Variants in FNIP2 observed in about 807,000 individuals in gnomAD.
The protein encoded by FNIP2 is folliculin-interacting protein 2.
FNIP2 carries 32 observed loss-of-function variants against 108.7 expected under a neutral mutation model. The observed-to-expected ratio is 0.29, with a 90% confidence interval of 0.22 to 0.40. FNIP2 has a LOEUF of 0.40. FNIP2 is among the 10% of genes least tolerant of loss of function. The pLI, the probability that FNIP2 is intolerant of heterozygous loss-of-function variation, is 1.00. For synonymous variants in FNIP2, 480 were observed against 496.7 expected (o/e 0.97, Z 0.45); for missense variants, 1,202 against 1,381.6 (o/e 0.87, Z 2.06).
rs756311041 is a variant in FNIP2, at chr4:158,870,353, C to T, written c.2833C>T (p.Arg945Cys). Residue 945 changes from arginine (R) to cysteine (C), a missense_variant, in exon 14 of 17, where the codon CGC becomes TGC. By Grantham distance (180) the Arg-to-Cys change is radical. Around this residue, in one of 5 missense-constraint regions of FNIP2, gnomAD observed 878 missense variants for 990.3 expected, o/e 0.89. Transcript: ENST00000264433. ...ISTQNVRNFG[R>C]SLLAGYCPTY... The stretch of plus-strand genomic sequence containing the variant: ...CACCCAGAATGTAAGGAACTTTGGC[C>T]GCTCACTTCTGGCGGGCTACTGCCC... 19 of 1,613,826 alleles carry T rather than the reference C, an allele frequency of 1.2e-5. No homozygotes were observed. The highest frequency in any genetic ancestry group is 5.3e-5 in the African/African-American group (4 of 74,928).
chr4:158,833,983 A>G, intron 6 of FNIP2: 1 of 777,144 alleles, frequency 1.3e-6, no homozygotes, highest in Non-Finnish European at 1.8e-6. Flanking sequence ...CCTCTCTAGA[A>G]ATCCAAGGGG....
intron 7 of FNIP2, chr4:158,836,801 G>T (rs1778832332): frequency 9.9e-6 from 1 of 101,060 alleles, no homozygotes; most frequent in South Asian, 3.8e-4. Flanking sequence ...GGACAACAGA[G>T]ACTCCGTCTC....
At chr4:158,832,564 T>C in intron 5 of FNIP2, among the ~76,000 whole-genome samples, 1 of 152,248 alleles carries the variant, frequency 6.6e-6, no homozygotes, top group African/African-American at 2.4e-5. Flanking sequence ...ACACCAGTTG[T>C]ACTTTGATAA....
At chr4:158,853,769 CAA>C (rs968454108) in intron 8 of FNIP2, among the ~76,000 whole-genome samples, 11 of 152,330 alleles carry the variant, frequency 7.2e-5, no homozygotes, top group African/African-American at 2.4e-4. Context: ...ATTCTTCACA[CAA>C]ATCCATTTTG....
At position 158,904,871 on chromosome 4, in the gene FNIP2, G is replaced by A; in HGVS notation, c.*327G>A. Reference sequence around the variant, plus strand: ...CAGATTGCCTTGTGCTGTTTGGGCAGAATAAAGACAAGTGACTTGAGCGGG... The same window carrying A: ...CAGATTGCCTTGTGCTGTTTGGGCAAAATAAAGACAAGTGACTTGAGCGGG... On this transcript the variant is annotated 3_prime_UTR_variant, in exon 17 of 17. Transcript: ENST00000264433. 4.0e-6 allele frequency: 1 copy of A among 251,896 alleles called. No individual in the cohort carries two copies. The highest frequency in any genetic ancestry group is 4.8e-5 in the Admixed American group (1 of 20,938). The allele number at this position is 251,896 out of a possible 1,614,324, so 15.6% of individuals were successfully genotyped here.
At chr4:158,773,259 A>C (rs1305888117) in intron 1 of FNIP2, among the ~76,000 whole-genome samples, 5 of 152,094 alleles carry the variant, frequency 3.3e-5, no homozygotes, top group Non-Finnish European at 5.9e-5. Context: ...CTATTGGCAC[A>C]CTCCTTACAT....
At chr4:158,838,093 C>T (rs1214629543) in intron 7 of FNIP2, among the ~76,000 whole-genome samples, 1 of 152,132 alleles carries the variant, frequency 6.6e-6, no homozygotes, top group African/African-American at 2.4e-5. Context: ...CTCCTTATAC[C>T]CATCTAAAAT....
At chr4:158,834,771 A>T (rs567156753) in intron 6 of FNIP2, 12 of 152,484 alleles carry the variant, frequency 7.9e-5, no homozygotes, top group African/African-American at 2.9e-4. Flanking sequence ...AGTCTGTAAT[A>T]CTTCAGAGTG....
Position 158,904,869 on chromosome 4 carries a change from C to A in FNIP2, c.*325C>A. 1 of 261,350 alleles carries A rather than the reference C, an allele frequency of 3.8e-6. No homozygotes were observed. The highest frequency in any genetic ancestry group is 7.5e-6 in the Non-Finnish European group (1 of 133,136). The allele number at this position is 261,350 out of a possible 1,614,324, so 16.2% of individuals were successfully genotyped here. A position where few individuals can be genotyped will look rare whatever the true frequency, so the allele number is the denominator to read the frequency against. On this transcript the variant is annotated 3_prime_UTR_variant, in exon 17 of 17. Coordinates refer to ENST00000264433, the MANE Select transcript of FNIP2 (RefSeq NM_020840.3). ...AACAGATTGCCTTGTGCTGTTTGGGCAGAATAAAGACAAGTGACTTGAGCG... is the reference window on the plus strand; with the variant it reads ...AACAGATTGCCTTGTGCTGTTTGGGAAGAATAAAGACAAGTGACTTGAGCG...
chr4:158,881,868 G>A lies in FNIP2; in HGVS notation c.2950-9578G>A, dbSNP rs567581615. On this transcript the variant is annotated intron_variant, in intron 14 of 16. Coordinates refer to ENST00000264433, the MANE Select transcript of FNIP2 (RefSeq NM_020840.3). ...CCGAGATTGCAGCCTCTGCCTGGCC[G>A]CCACCCCGTCTGGGAAGTGAGGAGC... Among the ~76,000 whole-genome samples the A allele has an allele frequency of 7.0e-3, 1,068 of 152,090 alleles. 11 individuals are homozygous for A. The highest frequency in any genetic ancestry group is 0.024 in the African/African-American group (983 of 41,410).
At chr4:158,811,428 G>T (rs1777262495) in intron 1 of FNIP2, among the ~76,000 whole-genome samples, 1 of 152,148 alleles carries the variant, frequency 6.6e-6, no homozygotes, top group African/African-American at 2.4e-5. Context: ...AGATAAAATG[G>T]AAGGGACTTT....
At chr4:158,891,729 A>G (rs965824353) in intron 15 of FNIP2, 83 bp downstream of exon 15, 26 of 1,288,418 alleles carry the variant, frequency 2.0e-5, no homozygotes, top group Admixed American at 2.0e-4. Context: ...TCACAAATTC[A>G]AAAGTACTGT....
intron 16 of FNIP2, among the ~76,000 whole-genome samples, chr4:158,896,841 G>GGT (rs139746055): frequency 6.9e-6 from 1 of 144,854 alleles, no homozygotes; most frequent in Admixed American, 6.9e-5. Context: ...TGCCTTATTA[G>GGT]TTTTTTTTTT....
chr4:158,868,724 C>G lies in FNIP2; in HGVS notation c.2088C>G (p.Asp696Glu). The change falls in exon 13 of 17, where the codon GAC becomes GAG. Residue 696 changes from aspartate to glutamate, a missense_variant. Physicochemically the swap from Asp to Glu is conservative, Grantham distance 45 (BLOSUM62 2). Coordinates refer to ENST00000264433, the MANE Select transcript of FNIP2 (RefSeq NM_020840.3). This position sits in a 1 kb window ranked among gnomAD's most constrained non-coding sequence, Gnocchi z 4.6. ...LKVEMPTRLP[D>E]RSVAWPCPDR... is the part of the protein sequence containing the mutation. ...TGGAGATGCCTACAAGACTGCCAGA[C>G]CGGTCAGTGGCCTGGCCTTGCCCTG... The G allele has an allele frequency of 6.2e-7, 1 of 1,614,018 alleles. No homozygotes were observed. The highest frequency in any genetic ancestry group is 8.5e-7 in the Non-Finnish European group (1 of 1,179,892).
chr4:158,796,892 C>A (rs1332767936), intron 1 of FNIP2, among the ~76,000 whole-genome samples: 1 of 152,108 alleles, frequency 6.6e-6, no homozygotes, highest in Non-Finnish European at 1.5e-5. Flanking sequence ...TGGTATGACA[C>A]CCTCTCTCAG....
intron 7 of FNIP2, among the ~76,000 whole-genome samples, chr4:158,848,975 A>G (rs1188159641): frequency 6.6e-6 from 1 of 152,136 alleles, no homozygotes; most frequent in Non-Finnish European, 1.5e-5. Context: ...AAGGGGGTTG[A>G]TCTTATAGTC....
At chr4:158,899,055 G>C (rs950553683) in intron 16 of FNIP2, among the ~76,000 whole-genome samples, 1 of 152,118 alleles carries the variant, frequency 6.6e-6, no homozygotes. Flanking sequence ...AGCTTGAAGT[G>C]GTGTTGAGTT....
intron 1 of FNIP2, chr4:158,806,176 A>G: frequency 8.0e-7 from 1 of 1,255,316 alleles, no homozygotes; most frequent in South Asian, 1.3e-5. Context: ...ATAACAAAGG[A>G]ACTTCAGGAT....
intron 1 of FNIP2, 76 bp from the exon 2 acceptor site, chr4:158,825,840 C>A: frequency 6.5e-7 from 1 of 1,535,672 alleles, no homozygotes; most frequent in Non-Finnish European, 8.9e-7. Context: ...GGCATGGTGA[C>A]TGGGAAGCTT....
Sources: allele counts gnomAD v4.1 joint callset (sites outside exome capture counted in the v4.1 genomes callset), GRCh38; gene constraint gnomAD v4.1.1; regional missense constraint gnomAD v4.1.1; non-coding constraint Gnocchi (gnomAD v3.1); transcripts MANE v1.5; gene names NCBI Gene and HGNC (gene_info 2026-07-23, HGNC 2026-07-21).